Variants in REDIC1 observed in about 807,000 individuals in gnomAD.
The protein encoded by REDIC1 is HEI10 Interacting Protein 1.
chr12:39,787,858 TTC>T, the REDIC1 span, among the ~76,000 whole-genome samples: 1 of 152,264 alleles, frequency 6.6e-6, no homozygotes, highest in African/African-American at 2.4e-5. Context: ...GATAATTCAC[TTC>T]TGTTTGCTAG....
At chr12:39,813,683 T>C in the REDIC1 span, among the ~76,000 whole-genome samples, 4 of 152,224 alleles carry the variant, frequency 2.6e-5, no homozygotes, top group East Asian at 7.7e-4. Context: ...CCTTGCCAAC[T>C]GTCTGTTTTT....
the REDIC1 span, among the ~76,000 whole-genome samples, chr12:39,712,479 TACAG>T: frequency 6.0e-5 from 8 of 132,976 alleles, no homozygotes; most frequent in Admixed American, 3.8e-4. Context: ...TATATATACA[TACAG>T]GTATATATAC....
the REDIC1 span, among the ~76,000 whole-genome samples, chr12:39,816,358 C>T: frequency 6.9e-6 from 1 of 144,250 alleles, no homozygotes; most frequent in Non-Finnish European, 1.5e-5. Context: ...CCTGTTCTCA[C>T]TCATAGGTGG....
the REDIC1 span, among the ~76,000 whole-genome samples, chr12:39,798,736 A>T: frequency 6.6e-6 from 1 of 152,178 alleles, no homozygotes; most frequent in Admixed American, 6.5e-5. Flanking sequence ...GACATTTCTC[A>T]TGACACTTTT....
the REDIC1 span, among the ~76,000 whole-genome samples, chr12:39,728,780 CTTTTTTTTTTTTT>C: frequency 8.7e-5 from 8 of 92,152 alleles, no homozygotes; most frequent in Admixed American, 2.8e-4. Flanking sequence ...TGGTCCTGGG[CTTTTTTTTTTTTT>C]TTTTTTTGGT....
chr12:39,626,798 A>G, the REDIC1 span, among the ~76,000 whole-genome samples: 7 of 152,212 alleles, frequency 4.6e-5, no homozygotes, highest in African/African-American at 1.7e-4. Flanking sequence ...ACTTAAATCA[A>G]TGGCAGGGCA....
At chr12:39,724,316 C>T in the REDIC1 span, among the ~76,000 whole-genome samples, 1 of 151,978 alleles carries the variant, frequency 6.6e-6, no homozygotes, top group Non-Finnish European at 1.5e-5. Flanking sequence ...TGGAACCCAC[C>T]CCCAAATTAC....
the REDIC1 span, among the ~76,000 whole-genome samples, chr12:39,732,369 T>A: frequency 0.016 from 2,437 of 152,306 alleles, 37 homozygotes; most frequent in Non-Finnish European, 0.025. Flanking sequence ...CAAACCTATA[T>A]TTGATCCCTT....
At chr12:39,789,555 T>C in the REDIC1 span, among the ~76,000 whole-genome samples, 8 of 152,152 alleles carry the variant, frequency 5.3e-5, no homozygotes, top group Admixed American at 5.2e-4. Context: ...CTAATAAATA[T>C]GGGAAAACAG....
At chr12:39,812,994 TAA>T in the REDIC1 span, among the ~76,000 whole-genome samples, 1 of 120,444 alleles carries the variant, frequency 8.3e-6, no homozygotes, top group Non-Finnish European at 1.7e-5. Flanking sequence ...CATGCCCAGC[TAA>T]TTTTTTTTTT....
At chr12:39,701,853 G>T in the REDIC1 span, among the ~76,000 whole-genome samples, 1 of 151,796 alleles carries the variant, frequency 6.6e-6, no homozygotes, top group Admixed American at 6.6e-5. Context: ...GGTACATAAC[G>T]AAATGAAGGC....
chr12:39,662,169 C>T, the REDIC1 span, among the ~76,000 whole-genome samples: 5 of 151,770 alleles, frequency 3.3e-5, no homozygotes, highest in African/African-American at 7.3e-5. Context: ...GATTGTTTTT[C>T]GATGTCTGTG....
At chr12:39,907,837 T>C in the REDIC1 span, 4 of 152,210 alleles carry the variant, frequency 2.6e-5, no homozygotes, top group African/African-American at 9.6e-5. Flanking sequence ...TGCTTCATTC[T>C]GAGCGTTCTT....
the REDIC1 span, among the ~76,000 whole-genome samples, chr12:39,844,338 AAT>A: frequency 6.6e-6 from 1 of 152,066 alleles, no homozygotes. Context: ...GTCAAAGTTT[AAT>A]GTAAGCACTG....
chr12:39,834,349 G>C, the REDIC1 span, among the ~76,000 whole-genome samples: 3 of 151,968 alleles, frequency 2.0e-5, no homozygotes, highest in Non-Finnish European at 4.4e-5. Flanking sequence ...ATCCATATCT[G>C]TCCTCACCTC....
chr12:39,705,011 A>G, the REDIC1 span, among the ~76,000 whole-genome samples: 2 of 152,174 alleles, frequency 1.3e-5, no homozygotes, highest in African/African-American at 2.4e-5. Context: ...AACATGGCAC[A>G]TGTATACATA....
At chr12:39,827,704 T>C in the REDIC1 span, among the ~76,000 whole-genome samples, 2 of 152,174 alleles carry the variant, frequency 1.3e-5, no homozygotes, top group South Asian at 2.1e-4. Context: ...TAAGTTTTCA[T>C]TGAAATTTAA....
chr12:39,630,919 G>A, the REDIC1 span, among the ~76,000 whole-genome samples: 1 of 152,158 alleles, frequency 6.6e-6, no homozygotes. Flanking sequence ...TATGCCTGTG[G>A]TCCTAGTAGC....
At chr12:39,717,455 G>A in the REDIC1 span, among the ~76,000 whole-genome samples, 2 of 152,008 alleles carry the variant, frequency 1.3e-5, no homozygotes, top group African/African-American at 4.8e-5. Context: ...AGTAGGAATA[G>A]ATCATCATAA....
Sources: allele counts gnomAD v4.1 joint callset (sites outside exome capture counted in the v4.1 genomes callset), GRCh38; gene constraint gnomAD v4.1.1; transcripts MANE v1.5; gene names NCBI Gene and HGNC (gene_info 2026-07-23, HGNC 2026-07-21).